Variants in S100Z observed in about 807,000 individuals in gnomAD.
S100Z encodes the protein protein S100-Z.
S100Z carries 11 observed loss-of-function variants against 8.5 expected under a neutral mutation model. The ratio of observed to expected loss-of-function variants is 1.30; its 90% confidence interval spans 0.82 to 2.15. S100Z has a LOEUF of 2.15. Ranked by LOEUF, S100Z falls within the 30% of genes most tolerant of loss-of-function variation. S100Z has a pLI of 0.00. For missense variants in S100Z, 126 were observed against 117.9 expected (o/e 1.07, Z -0.32); for synonymous variants, 34 against 43.8 (o/e 0.78, Z 0.89).
At chr5:76,872,314 A>C (rs994531858) in intron 2 of S100Z, among the ~76,000 whole-genome samples, 2 of 152,156 alleles carry the variant, frequency 1.3e-5, no homozygotes, top group African/African-American at 4.8e-5. Context: ...GGACCTCTTG[A>C]GACAGTTCCC....
intron 2 of S100Z, among the ~76,000 whole-genome samples, chr5:76,874,295 T>G (rs1284028391): frequency 5.3e-5 from 8 of 152,140 alleles, no homozygotes. Flanking sequence ...ATCTCCAGGT[T>G]GGAACTAGTG....
intron 4 of S100Z, among the ~76,000 whole-genome samples, chr5:76,896,219 C>G (rs1465222264): frequency 6.6e-6 from 1 of 152,156 alleles, no homozygotes; most frequent in East Asian, 1.9e-4. Flanking sequence ...AACCATCATT[C>G]TACTCTCTAT....
intron 4 of S100Z, among the ~76,000 whole-genome samples, chr5:76,887,395 CTTT>C (rs70982657): frequency 1.3e-5 from 1 of 74,692 alleles, no homozygotes; most frequent in African/African-American, 5.4e-5. Context: ...CTGTGCCAGG[CTTT>C]TTTTTTTTTT....
At chr5:76,939,764 C>T in the S100Z span, among the ~76,000 whole-genome samples, 748 of 151,912 alleles carry the variant, frequency 4.9e-3, 12 homozygotes, top group African/African-American at 0.017. Context: ...CCACTTGCCT[C>T]GGCCTCCCAA....
chr5:76,905,386 A>AT (rs1457010489), intron 4 of S100Z, among the ~76,000 whole-genome samples: 1 of 151,712 alleles, frequency 6.6e-6, no homozygotes, highest in Non-Finnish European at 1.5e-5. Context: ...TAAATCTATG[A>AT]TTCATTTTGA....
intron 2 of S100Z, among the ~76,000 whole-genome samples, chr5:76,870,623 G>A (rs1448757395): frequency 6.6e-6 from 1 of 151,088 alleles, no homozygotes; most frequent in Non-Finnish European, 1.5e-5. Flanking sequence ...TTTTTCTTTA[G>A]TGGACAGTCC....
At chr5:76,883,669 C>T (rs1458795758) in intron 4 of S100Z, among the ~76,000 whole-genome samples, 2 of 152,186 alleles carry the variant, frequency 1.3e-5, no homozygotes, top group Non-Finnish European at 2.9e-5. Context: ...CTGAGAATAT[C>T]TGGGAATGAG....
At chr5:76,879,593 T>TA (rs1440669246) in intron 4 of S100Z, among the ~76,000 whole-genome samples, 81 of 152,186 alleles carry the variant, frequency 5.3e-4, no homozygotes, top group African/African-American at 1.9e-3. Context: ...GATCTCAGGG[T>TA]AAATGGGGGA....
intron 4 of S100Z, among the ~76,000 whole-genome samples, chr5:76,911,996 G>A (rs371389330): frequency 2.6e-4 from 40 of 152,282 alleles, no homozygotes; most frequent in African/African-American, 9.1e-4. Flanking sequence ...ACTCAGACTC[G>A]TGGGACAACC....
intron 1 of S100Z, among the ~76,000 whole-genome samples, chr5:76,862,284 G>A (rs1369822478): frequency 1.3e-5 from 2 of 152,140 alleles, no homozygotes. Flanking sequence ...GCAAGGAATA[G>A]CAGGGGCAGC....
At chr5:76,887,297 A>G (rs1231973200) in intron 4 of S100Z, among the ~76,000 whole-genome samples, 3 of 148,340 alleles carry the variant, frequency 2.0e-5, no homozygotes, top group Non-Finnish European at 4.4e-5. Context: ...GGGTTTCACC[A>G]TGTTGGGGCC....
chr5:76,859,768 C>CAAAAAAAAAAAAAAAAAAAAAA (rs70982653), intron 1 of S100Z, among the ~76,000 whole-genome samples: 8 of 97,650 alleles, frequency 8.2e-5, no homozygotes, highest in South Asian at 5.4e-4. Flanking sequence ...GCAACAGAGC[C>CAAAAAAAAAAAAAAAAAAAAAA]AAAAAAAAAA....
At chr5:76,904,430 G>T (rs977977528) in intron 4 of S100Z, among the ~76,000 whole-genome samples, 4 of 152,098 alleles carry the variant, frequency 2.6e-5, no homozygotes, top group Non-Finnish European at 5.9e-5. Flanking sequence ...ACTGGCACCC[G>T]CCATCATGCC....
chr5:76,919,526 TCCTCCCTCCCTC>T (rs145366090), intron 4 of S100Z, among the ~76,000 whole-genome samples: 23 of 126,020 alleles, frequency 1.8e-4, no homozygotes, highest in East Asian at 5.0e-4. Context: ...TCTTCTCCCT[TCCTCCCTCCCTC>T]CCTCCCTCCC....
chr5:76,877,792 A>G lies in S100Z; in HGVS notation c.260A>G (p.Asn87Ser). 6.2e-7 allele frequency: 1 copy of G among 1,613,692 alleles called. No homozygotes were observed. Among genetic ancestry groups the G allele is most frequent in the South Asian group, 1.1e-5 (1 of 91,068 alleles). ...VMVAALTVAC[N>S]DYFVEQLKKK... The stretch of plus-strand genomic sequence containing the variant: ...GTGGCAGCTCTGACAGTTGCTTGTA[A>G]TGATTACTTTGTAGAACAATTGAAG... The change falls in exon 4 of 5, where the codon AAT becomes AGT. Residue 87 changes from asparagine (N) to serine (S), a missense_variant. Physicochemically the swap from Asn to Ser is conservative, Grantham distance 46. Transcript: ENST00000317593.
downstream of S100Z, among the ~76,000 whole-genome samples, chr5:76,926,191 T>G (rs74819879): frequency 0.036 from 5,407 of 152,062 alleles, 295 homozygotes; most frequent in African/African-American, 0.12. Flanking sequence ...GAGTATACTC[T>G]GGCCTAACTG....
intron 4 of S100Z, among the ~76,000 whole-genome samples, chr5:76,885,294 C>T (rs971797743): frequency 2.6e-5 from 4 of 151,900 alleles, no homozygotes; most frequent in African/African-American, 9.7e-5. Flanking sequence ...GTAGGGGGTG[C>T]TTGCCCCCCA....
chr5:76,899,201 G>A (rs1277322039), intron 4 of S100Z, among the ~76,000 whole-genome samples: 2 of 151,872 alleles, frequency 1.3e-5, no homozygotes, highest in African/African-American at 2.4e-5. Flanking sequence ...CCCAAAGTGC[G>A]GGATTACAGG....
the S100Z span, among the ~76,000 whole-genome samples, chr5:76,933,315 C>T: frequency 6.6e-6 from 1 of 152,200 alleles, no homozygotes; most frequent in African/African-American, 2.4e-5. Context: ...AGTGGTGTCT[C>T]CTCTGTCAGT....
Sources: gnomAD v4.1 joint callset for allele counts (sites outside exome capture counted in the v4.1 genomes callset) on GRCh38, gnomAD v4.1.1 for gene constraint, MANE v1.5 for transcripts, NCBI Gene and HGNC (gene_info 2026-07-23, HGNC 2026-07-21) for gene names.